Variants in DIAPH3 observed in about 807,000 individuals in gnomAD.
DIAPH3 encodes the protein protein diaphanous homolog 3.
Under a neutral mutation model 144.3 loss-of-function variants are expected in DIAPH3, and 117 were observed. The observed-to-expected ratio is 0.81, with a 90% CI of 0.70 to 0.95. The LOEUF is 0.95. Among genes scored for constraint, DIAPH3 ranks in the 40% least tolerant of loss-of-function variants. The pLI, the probability that DIAPH3 is intolerant of heterozygous loss-of-function variation, is 0.00. For synonymous variants in DIAPH3, 519 were observed against 488.9 expected (o/e 1.06, Z -0.81); for missense variants, 1,421 against 1,412.7 (o/e 1.01, Z -0.09).
intron 1 of DIAPH3, among the ~76,000 whole-genome samples, chr13:60,146,391 A>G (rs776809825): frequency 7.9e-5 from 12 of 152,240 alleles, no homozygotes; most frequent in African/African-American, 2.9e-4. Flanking sequence ...GATTCAAAAA[A>G]ACAATATAAC....
rs2041995799 is a variant in DIAPH3, at chr13:59,835,425, A to G, written c.2863-2154T>C. 2.0e-5 allele frequency among the ~76,000 whole-genome samples: 3 copies of G among 151,906 alleles called. No homozygotes were observed. In the South Asian group the frequency reaches 6.2e-4, roughly 32 times the overall value. On this transcript the variant is annotated intron_variant, in intron 23 of 27. Coordinates refer to ENST00000400324, the MANE Select transcript of DIAPH3 (RefSeq NM_001042517.2). ...TTAGGTAGTTAAAATCTTGGCTAAGAAAGTGAGATTGACTAAAACAACAGA... is the reference window on the plus strand; with the variant it reads ...TTAGGTAGTTAAAATCTTGGCTAAGGAAGTGAGATTGACTAAAACAACAGA...
intron 27 of DIAPH3, among the ~76,000 whole-genome samples, chr13:59,672,996 C>G (rs540908232): frequency 6.6e-6 from 1 of 152,172 alleles, no homozygotes; most frequent in Non-Finnish European, 1.5e-5. Flanking sequence ...CATTCTTGTT[C>G]TGTATCACTA....
intron 20 of DIAPH3, among the ~76,000 whole-genome samples, chr13:59,908,104 C>T (rs952937539): frequency 6.6e-6 from 1 of 152,066 alleles, no homozygotes; most frequent in African/African-American, 2.4e-5. Flanking sequence ...GGTGCAGTGG[C>T]TCACACCTGT....
chr13:60,088,572 T>G (rs1035823197), intron 4 of DIAPH3, among the ~76,000 whole-genome samples: 1 of 152,108 alleles, frequency 6.6e-6, no homozygotes, highest in Non-Finnish European at 1.5e-5. Flanking sequence ...GAACGGCAAA[T>G]AGAAGACTCC....
intron 27 of DIAPH3, among the ~76,000 whole-genome samples, chr13:59,733,573 T>C (rs2035992033): frequency 6.6e-6 from 1 of 152,200 alleles, no homozygotes; most frequent in Non-Finnish European, 1.5e-5. Flanking sequence ...GAATAATATC[T>C]AAGATAGGAA....
At chr13:59,835,935 T>C (rs2042024641) in intron 23 of DIAPH3, among the ~76,000 whole-genome samples, 1 of 151,838 alleles carries the variant, frequency 6.6e-6, no homozygotes, top group African/African-American at 2.4e-5. Context: ...ACCCAGTGAT[T>C]TCAGAAGTTT....
chr13:60,009,013 A>G (rs1380834580), intron 8 of DIAPH3, among the ~76,000 whole-genome samples: 2 of 152,134 alleles, frequency 1.3e-5, no homozygotes, highest in Non-Finnish European at 2.9e-5. Context: ...AGGTTAAGCA[A>G]TCTGTCCAAG....
At chr13:59,709,100 GAA>G in intron 27 of DIAPH3, among the ~76,000 whole-genome samples, 1 of 152,178 alleles carries the variant, frequency 6.6e-6, no homozygotes, top group East Asian at 1.9e-4. Context: ...TCATACCTGA[GAA>G]AAAGTTTTTA....
chr13:60,007,891 G>A (rs775043439), intron 9 of DIAPH3, among the ~76,000 whole-genome samples: 65 of 152,036 alleles, frequency 4.3e-4, no homozygotes, highest in Middle Eastern at 3.4e-3. Flanking sequence ...AGCCCTAATC[G>A]ACCTAATTGG....
chr13:59,825,224 T>C (rs1035513640), intron 24 of DIAPH3, among the ~76,000 whole-genome samples: 5 of 151,902 alleles, frequency 3.3e-5, no homozygotes, highest in Non-Finnish European at 7.4e-5. Context: ...AGTGTGATGC[T>C]CCCCTTCCTG....
chr13:59,747,222 G>T (rs753589733), intron 27 of DIAPH3, among the ~76,000 whole-genome samples: 1 of 151,996 alleles, frequency 6.6e-6, no homozygotes, highest in Non-Finnish European at 1.5e-5. Flanking sequence ...AGTATTATTC[G>T]GGATGATCAC....
At chr13:59,797,752 C>G (rs1461281643) in intron 25 of DIAPH3, among the ~76,000 whole-genome samples, 2 of 152,132 alleles carry the variant, frequency 1.3e-5, no homozygotes, top group Admixed American at 6.5e-5. Context: ...ATTGCCCTAC[C>G]TGAACCCCAT....
At chr13:59,997,109 T>C (rs950250337) in intron 9 of DIAPH3, among the ~76,000 whole-genome samples, 2 of 152,152 alleles carry the variant, frequency 1.3e-5, no homozygotes, top group African/African-American at 4.8e-5. Context: ...ATTTATTTGG[T>C]CAGATACAGT....
chr13:59,991,363 G>T, intron 11 of DIAPH3, 89 bp from the exon 12 acceptor site: 7 of 910,960 alleles, frequency 7.7e-6, no homozygotes, highest in Non-Finnish European at 1.1e-5. Context: ...TAAGGTTTTG[G>T]AACTGTAATA....
At chr13:59,816,837 A>G (rs1028059781) in intron 24 of DIAPH3, among the ~76,000 whole-genome samples, 1 of 151,946 alleles carries the variant, frequency 6.6e-6, no homozygotes, top group African/African-American at 2.4e-5. Context: ...TTTATCTTTT[A>G]TATATGTAGG....
intron 17 of DIAPH3, among the ~76,000 whole-genome samples, chr13:59,958,210 CAT>C (rs1168994829): frequency 1.2e-4 from 18 of 152,024 alleles, no homozygotes; most frequent in East Asian, 5.8e-4. Flanking sequence ...ATTATAATAA[CAT>C]ATATTTTCCA....
chr13:59,706,416 AT>A (rs2034431769), intron 27 of DIAPH3, among the ~76,000 whole-genome samples: 1 of 152,180 alleles, frequency 6.6e-6, no homozygotes, highest in Non-Finnish European at 1.5e-5. Context: ...ACTTGTTCCC[AT>A]TTTCAGTTGA....
intron 5 of DIAPH3, among the ~76,000 whole-genome samples, chr13:60,030,592 T>G (rs1159486914): frequency 6.6e-6 from 1 of 152,172 alleles, no homozygotes; most frequent in African/African-American, 2.4e-5. Flanking sequence ...GAGTCCCATA[T>G]TAAGGCTTCA....
At chr13:59,976,689 G>T (rs1193984136) in intron 14 of DIAPH3, among the ~76,000 whole-genome samples, 5 of 151,546 alleles carry the variant, frequency 3.3e-5, no homozygotes, top group African/African-American at 9.7e-5. Context: ...GCATTCTATA[G>T]GACTCTTTCC....
Sources: gnomAD v4.1 joint callset for allele counts (sites outside exome capture counted in the v4.1 genomes callset) on GRCh38, gnomAD v4.1.1 for gene constraint, MANE v1.5 for transcripts, NCBI Gene and HGNC (gene_info 2026-07-23, HGNC 2026-07-21) for gene names.